PRORP: variants seen among roughly 807,000 people sequenced by gnomAD.
PRORP encodes the protein protein only RNase P catalytic subunit.
PRORP carries 51 observed loss-of-function variants against 59.4 expected under a neutral mutation model. The observed-to-expected ratio is 0.86, with a 90% confidence interval of 0.69 to 1.08. The LOEUF (loss-of-function observed/expected upper bound fraction) is 1.08, where lower values mean the gene tolerates loss of function less well. Among genes scored for constraint, PRORP ranks in the 50% least tolerant of loss-of-function variants. The pLI, the probability that PRORP is intolerant of heterozygous loss-of-function variation, is 0.00. For synonymous variants in PRORP, 231 were observed against 245.6 expected, an observed-to-expected ratio of 0.94 and a Z score of 0.55; for missense variants, 646 against 690.3, an observed-to-expected ratio of 0.94 and a Z score of 0.72.
intron 5 of PRORP, among the ~76,000 whole-genome samples, chr14:35,258,212 G>A (rs1291362935): frequency 2.0e-5 from 3 of 152,122 alleles, no homozygotes; most frequent in East Asian, 3.9e-4. Flanking sequence ...GGCTGGTCTC[G>A]AACTCCTGAG....
At chr14:35,255,626 A>C (rs889113527) in intron 5 of PRORP, among the ~76,000 whole-genome samples, 7 of 151,932 alleles carry the variant, frequency 4.6e-5, no homozygotes, top group Non-Finnish European at 8.8e-5. Context: ...CAATCCTCCT[A>C]CCTCAGCATC....
At chr14:35,215,220 G>A (rs903387353) in intron 5 of PRORP, among the ~76,000 whole-genome samples, 4 of 152,168 alleles carry the variant, frequency 2.6e-5, no homozygotes, top group South Asian at 2.1e-4. Flanking sequence ...AATGATTCAA[G>A]CAGGTTGCCT....
At chr14:35,219,858 T>A (rs1320585562) in intron 5 of PRORP, among the ~76,000 whole-genome samples, 1 of 152,174 alleles carries the variant, frequency 6.6e-6, no homozygotes, top group Non-Finnish European at 1.5e-5. Context: ...ACTCTATTTT[T>A]TGAATTGTTT....
In PRORP at chr14:35,127,675, G is replaced by A. The variant is rs536592569; in HGVS notation, c.1167+64G>A. On this transcript the variant is annotated intron_variant, in intron 4 of 7. Transcript: ENST00000534898. ...TCTAGAGCAGGGGTTAGCAATTTTTGTAAAATGCCAGATACTAAATATTTT... is the reference window on the plus strand; with the variant it reads ...TCTAGAGCAGGGGTTAGCAATTTTTATAAAATGCCAGATACTAAATATTTT... 16 of 1,559,418 alleles carry A rather than the reference G, an allele frequency of 1.0e-5. No individual in the cohort carries two copies. In the South Asian group the frequency reaches 1.7e-4, roughly 17 times the overall value.
chr14:35,270,661 A>G (rs2051163737), intron 7 of PRORP, 65 bp downstream of exon 7: 1 of 1,406,436 alleles, frequency 7.1e-7, no homozygotes, highest in Non-Finnish European at 9.9e-7. Flanking sequence ...TGTGGCATAG[A>G]AAAAGAGTGT....
At chr14:35,174,977 A>G (rs2048411386) in intron 4 of PRORP, among the ~76,000 whole-genome samples, 1 of 143,634 alleles carries the variant, frequency 7.0e-6, no homozygotes, top group African/African-American at 2.6e-5. Flanking sequence ...GCACTTATGA[A>G]TAAGAACACG....
rs1006497542 is a variant in PRORP at position 35,276,497 on chromosome 14, C to G, written c.*2931C>G. ...AACTGAAGTGCATCTGTCCCTTGTC[C>G]AGGAGTGGGGAACCATTGTAGGGTT... On this transcript the variant is annotated 3_prime_UTR_variant, in exon 8 of 8. Transcript: ENST00000534898. 1 of 151,834 alleles carries G rather than the reference C, an allele frequency of 6.6e-6. No individual in the cohort carries two copies. The highest frequency in any genetic ancestry group is 2.1e-4 in the South Asian group (1 of 4,822). The allele number at this position is 151,834 out of a possible 1,614,324, so 9.4% of individuals were successfully genotyped here.
rs2138694988 is a variant in PRORP at position 35,277,198 on chromosome 14, G to T, written c.*3632G>T. The T allele has an allele frequency of 6.6e-6, 1 of 152,246 alleles. No individual in the cohort carries two copies. Among genetic ancestry groups the T allele is most frequent in the African/African-American group, 2.4e-5 (1 of 41,530 alleles). 9.4% of individuals were successfully genotyped at this position (152,246 alleles called of 1,614,324 possible). ...GCGCCATGACGCCTGGCTAATTTTT[G>T]CATTTTTAGTAGAGACGGGTTTTCA... On this transcript the variant is annotated 3_prime_UTR_variant, in exon 8 of 8. Transcript: ENST00000534898.
At chr14:35,206,287 G>A (rs989989666) in intron 5 of PRORP, among the ~76,000 whole-genome samples, 1 of 152,190 alleles carries the variant, frequency 6.6e-6, no homozygotes, top group Non-Finnish European at 1.5e-5. Context: ...GCTGGGAGAG[G>A]AGTGAGGGAA....
chr14:35,231,230 G>A (rs1451039309), intron 5 of PRORP, among the ~76,000 whole-genome samples: 1 of 152,156 alleles, frequency 6.6e-6, no homozygotes. Context: ...TTTATTTGGT[G>A]GGTTTTTTAA....
At chr14:35,175,037 C>T (rs2139012610) in intron 4 of PRORP, among the ~76,000 whole-genome samples, 1 of 152,016 alleles carries the variant, frequency 6.6e-6, no homozygotes, top group Non-Finnish European at 1.5e-5. Context: ...ATGATGGTTT[C>T]CAGCTTCATC....
intron 4 of PRORP, among the ~76,000 whole-genome samples, chr14:35,168,694 T>G (rs10132536): frequency 0.035 from 5,298 of 152,250 alleles, 283 homozygotes; most frequent in African/African-American, 0.12. Context: ...AGATTCAGGT[T>G]GGTATTTTTG....
At chr14:35,183,619 G>T (rs2048672668) in intron 5 of PRORP, among the ~76,000 whole-genome samples, 1 of 151,918 alleles carries the variant, frequency 6.6e-6, no homozygotes, top group Admixed American at 6.6e-5. Flanking sequence ...TTAGTCAAAG[G>T]GTATATATAT....
intron 6 of PRORP, among the ~76,000 whole-genome samples, chr14:35,268,494 A>C (rs2051104894): frequency 6.6e-6 from 1 of 152,194 alleles, no homozygotes. Context: ...TTGTGCTAAC[A>C]AAAGTTTATT....
intron 4 of PRORP, among the ~76,000 whole-genome samples, chr14:35,172,501 TCTCTCCC>T (rs2048346363): frequency 7.4e-6 from 1 of 135,212 alleles, no homozygotes; most frequent in Non-Finnish European, 1.6e-5. Context: ...CCTCTCTCCC[TCTCTCCC>T]TCTCTCCCTC....
intron 5 of PRORP, among the ~76,000 whole-genome samples, chr14:35,211,108 G>A (rs554963977): frequency 5.1e-4 from 78 of 152,042 alleles, no homozygotes; most frequent in Non-Finnish European, 7.8e-4. Context: ...ATTACTACAG[G>A]CCTCATGCTC....
intron 5 of PRORP, among the ~76,000 whole-genome samples, chr14:35,196,511 T>C (rs2049013463): frequency 6.6e-6 from 1 of 152,038 alleles, no homozygotes; most frequent in Non-Finnish European, 1.5e-5. Context: ...AATAAATATT[T>C]TCATCACATG....
intron 5 of PRORP, among the ~76,000 whole-genome samples, chr14:35,264,079 G>A (rs1396380197): frequency 1.3e-5 from 2 of 151,788 alleles, no homozygotes; most frequent in African/African-American, 2.4e-5. Flanking sequence ...AGGATCACAG[G>A]TGCATGCCAC....
At chr14:35,151,439 G>C (rs140126322) in intron 4 of PRORP, among the ~76,000 whole-genome samples, 29 of 152,118 alleles carry the variant, frequency 1.9e-4, no homozygotes, top group African/African-American at 7.0e-4. Context: ...CCAAACTCCC[G>C]ATCTTTATAC....
Sources: allele counts gnomAD v4.1 joint callset (sites outside exome capture counted in the v4.1 genomes callset), GRCh38; gene constraint gnomAD v4.1.1; transcripts MANE v1.5; gene names NCBI Gene and HGNC (gene_info 2026-07-23, HGNC 2026-07-21).